Variants in NOVA1 observed in about 807,000 individuals in gnomAD.
The protein encoded by NOVA1 is NOVA alternative splicing regulator 1, also known as RNA-binding protein Nova-1.
In NOVA1, 7 loss-of-function variants were observed where a neutral mutation model predicts 38.0. That is an observed-to-expected ratio of 0.18 (90% CI 0.10 to 0.35). The LOEUF (loss-of-function observed/expected upper bound fraction) is 0.35, where lower values mean the gene tolerates loss of function less well. NOVA1 is among the 10% of genes least tolerant of loss of function. NOVA1 has a pLI of 1.00. For missense variants in NOVA1, 460 were observed against 616.0 expected (o/e 0.75, Z 2.68); for synonymous variants, 270 against 232.5 (o/e 1.16, Z -1.47).
chr14:26,472,605 G>T (rs1477855009), intron 3 of NOVA1, among the ~76,000 whole-genome samples: 2 of 151,994 alleles, frequency 1.3e-5, no homozygotes, highest in South Asian at 2.1e-4. Context: ...ATAAATTCAT[G>T]ACTTGAAATC....
rs1882161844 is a variant in NOVA1, at chr14:26,447,356, A to C, written c.*603T>G. The C allele has an allele frequency of 6.5e-6, 1 of 153,418 alleles. No homozygotes were observed. Among genetic ancestry groups the C allele is most frequent in the African/African-American group, 2.4e-5 (1 of 41,460 alleles). The allele number at this position is 153,418 out of a possible 1,614,324, so 9.5% of individuals were successfully genotyped here. On this transcript the variant is annotated 3_prime_UTR_variant, in exon 5 of 5. Transcript: ENST00000539517. ...TTTCCATTGTCTAGTTCAGATGGAG[A>C]ACAGGTGCTTTTATTGATCTGTAAA... is the stretch of plus-strand genomic sequence containing the variant.
intron 2 of NOVA1, among the ~76,000 whole-genome samples, chr14:26,487,408 T>A (rs1886001955): frequency 6.6e-6 from 1 of 152,108 alleles, no homozygotes; most frequent in Non-Finnish European, 1.5e-5. Context: ...CAATTTGTGA[T>A]TTACAGAAGA....
Position 26,448,471 on chromosome 14 carries a change from GA to G in NOVA1, c.1011del (p.Gln338LysfsTer48), listed in dbSNP as rs749934169. Reference protein sequence around the residue: ...YNLNTLGLGLSQAAATGALAA... With the variant: ...YNLNTLGLGLXQAAATGALAA... ...GCCAAAGCCCCTGTTGCTGCTGCTT[GA>G]CTGAGACCTAAACCTAAAGTGTTGA... On this transcript the variant is annotated frameshift_variant, in exon 5 of 5. Transcript: ENST00000539517. LOFTEE classifies it high-confidence loss of function. This position sits in a 1 kb window ranked among gnomAD's most constrained non-coding sequence, Gnocchi z 5.3. 1 of 1,613,554 alleles carries G rather than the reference GA, an allele frequency of 6.2e-7. No homozygotes were observed. Among genetic ancestry groups the G allele is most frequent in the Admixed American group, 1.7e-5 (1 of 60,002 alleles).
At chr14:26,476,705 A>AT (rs958955302) in intron 3 of NOVA1, among the ~76,000 whole-genome samples, 1 of 149,126 alleles carries the variant, frequency 6.7e-6, no homozygotes, top group Non-Finnish European at 1.5e-5. Flanking sequence ...ACGCCTCTGA[A>AT]TTTTTTTCTT....
At chr14:26,512,272 T>TA (rs1888155994) in intron 2 of NOVA1, among the ~76,000 whole-genome samples, 2 of 152,218 alleles carry the variant, frequency 1.3e-5, no homozygotes, top group African/African-American at 4.8e-5. Flanking sequence ...ACTGGTCCTA[T>TA]TACTTGAATT....
chr14:26,452,496 A>T (rs577594910), intron 4 of NOVA1, among the ~76,000 whole-genome samples: 1 of 152,294 alleles, frequency 6.6e-6, no homozygotes, highest in African/African-American at 2.4e-5. Flanking sequence ...CTTACTTCTT[A>T]GATAAAGGCA....
rs1594368867 is a variant in NOVA1, at chr14:26,479,870, T to C, written c.447+107A>G. ...TAAATGACAACTCTGGTATGTTTTA[T>C]GTGTGCTTAAAATAAAAGTTTTATG... On this transcript the variant is annotated intron_variant, in intron 3 of 4. Coordinates refer to ENST00000539517, the MANE Select transcript of NOVA1 (RefSeq NM_002515.3). 9 of 1,190,096 alleles carry C rather than the reference T, an allele frequency of 7.6e-6. No individual in the cohort carries two copies. The East Asian group carries it at 1.2e-4, about 16-fold the overall frequency. The allele number at this position is 1,190,096 out of a possible 1,614,324, so 73.7% of individuals were successfully genotyped here. A position where few individuals can be genotyped will look rare whatever the true frequency, so the allele number is the denominator to read the frequency against.
intron 2 of NOVA1, among the ~76,000 whole-genome samples, chr14:26,574,147 T>A (rs1458252038): frequency 1.4e-5 from 2 of 148,112 alleles, no homozygotes; most frequent in East Asian, 4.2e-4. Context: ...TGCCTCAGCA[T>A]CCCAAGCAGC....
chr14:26,506,485 T>G (rs534766335), intron 2 of NOVA1, among the ~76,000 whole-genome samples: 7 of 152,324 alleles, frequency 4.6e-5, no homozygotes, highest in Middle Eastern at 3.4e-3. Flanking sequence ...AATCATAGTC[T>G]TCTTCTTTCA....
rs1035791663 is a variant in NOVA1, at chr14:26,445,597, T to C, written c.*2362A>G. On this transcript the variant is annotated 3_prime_UTR_variant, in exon 5 of 5. Coordinates refer to ENST00000539517, the MANE Select transcript of NOVA1 (RefSeq NM_002515.3). ...AACATTAAATTCCAGATGAAATGCA[T>C]GGGCTCCACAGTGGACTACTGGAAT... 3.3e-5 allele frequency: 5 copies of C among 152,202 alleles called. No individual in the cohort carries two copies. The highest frequency in any genetic ancestry group is 9.6e-5 in the African/African-American group (4 of 41,460). The allele number at this position is 152,202 out of a possible 1,614,324, so 9.4% of individuals were successfully genotyped here.
chr14:26,570,199 T>C (rs767800566), intron 2 of NOVA1, among the ~76,000 whole-genome samples: 2 of 151,742 alleles, frequency 1.3e-5, no homozygotes, highest in Non-Finnish European at 2.9e-5. Context: ...ATACAAAAAT[T>C]AGCCGGCAGT....
intron 2 of NOVA1, among the ~76,000 whole-genome samples, chr14:26,541,873 G>A (rs1890486591): frequency 6.6e-6 from 1 of 151,608 alleles, no homozygotes; most frequent in East Asian, 1.9e-4. Flanking sequence ...AAATGTTATT[G>A]CTATAAGAAG....
At chr14:26,544,107 T>C (rs916762033) in intron 2 of NOVA1, among the ~76,000 whole-genome samples, 1 of 151,890 alleles carries the variant, frequency 6.6e-6, no homozygotes, top group African/African-American at 2.4e-5. Context: ...AGAAATATAT[T>C]TTCCCATGGG....
intron 2 of NOVA1, among the ~76,000 whole-genome samples, chr14:26,561,303 T>C (rs1891808004): frequency 6.6e-6 from 1 of 152,234 alleles, no homozygotes; most frequent in African/African-American, 2.4e-5. Context: ...CATTGAAACA[T>C]AAAAAGCACA....
intron 2 of NOVA1, among the ~76,000 whole-genome samples, chr14:26,485,476 T>C (rs1262835990): frequency 1.3e-5 from 2 of 152,252 alleles, no homozygotes; most frequent in Admixed American, 1.3e-4. Flanking sequence ...ATTTAACAAT[T>C]TTTTTCTTTT....
In NOVA1 at chr14:26,574,944, G is replaced by A. The variant is rs537146542; in HGVS notation, c.280+20466C>T. Among the ~76,000 whole-genome samples the A allele has an allele frequency of 4.6e-5, 7 of 152,208 alleles. No individual in the cohort carries two copies. The South Asian group carries it at 1.5e-3, about 32-fold the overall frequency. On this transcript the variant is annotated intron_variant, in intron 2 of 4. Coordinates refer to ENST00000539517, the MANE Select transcript of NOVA1 (RefSeq NM_002515.3). ...CTCCCAAAGTGCTGGGATTACAGGC[G>A]TGAGCCACTGAGCCCAGCCTATACT...
chr14:26,463,382 T>C (rs1594339451), intron 4 of NOVA1, among the ~76,000 whole-genome samples: 1 of 152,290 alleles, frequency 6.6e-6, no homozygotes, highest in East Asian at 1.9e-4. Context: ...TACACAAACA[T>C]AAAGTTTTGT....
At chr14:26,470,109 C>A in intron 4 of NOVA1, 1 of 591,634 alleles carries the variant, frequency 1.7e-6, no homozygotes, top group East Asian at 1.1e-4. Context: ...ATCAAACTTA[C>A]TCTTTGAATA....
At chr14:26,533,842 G>T (rs897540833) in intron 2 of NOVA1, among the ~76,000 whole-genome samples, 7 of 152,248 alleles carry the variant, frequency 4.6e-5, no homozygotes, top group African/African-American at 1.7e-4. Flanking sequence ...AATCTTGATA[G>T]AGTGGACAAC....
Sources: allele counts gnomAD v4.1 joint callset (sites outside exome capture counted in the v4.1 genomes callset), GRCh38; gene constraint gnomAD v4.1.1; non-coding constraint Gnocchi (gnomAD v3.1); transcripts MANE v1.5; gene names NCBI Gene and HGNC (gene_info 2026-07-23, HGNC 2026-07-21).